ME3: variants seen among roughly 807,000 people sequenced by gnomAD.
The protein encoded by ME3 is malic enzyme 3.
In ME3, 48 loss-of-function variants were observed where a neutral mutation model predicts 68.9. The observed-to-expected ratio is 0.70, with a 90% CI of 0.55 to 0.89. ME3 has a LOEUF of 0.89. ME3 is among the 40% of genes least tolerant of loss of function. The probability of loss-of-function intolerance (pLI) is 0.00; values close to 1 mark genes in which losing one functional copy is unlikely to be tolerated. For missense variants in ME3, 675 were observed against 797.4 expected (o/e 0.85, Z 1.85); for synonymous variants, 320 against 318.8 (o/e 1.00, Z -0.04).
chr11:86,630,806 G>C (rs1390727721), intron 2 of ME3, among the ~76,000 whole-genome samples: 1 of 152,250 alleles, frequency 6.6e-6, no homozygotes, highest in African/African-American at 2.4e-5. Flanking sequence ...CAAGGGCTGA[G>C]GCCAGTGCCT....
chr11:86,501,975 C>T (rs759331010), intron 5 of ME3, among the ~76,000 whole-genome samples: 2 of 152,096 alleles, frequency 1.3e-5, no homozygotes, highest in East Asian at 1.9e-4. Context: ...CTTTCTTGCC[C>T]CCAAATCTCT....
chr11:86,442,468 C>T (rs994250571), intron 14 of ME3, among the ~76,000 whole-genome samples: 1 of 152,168 alleles, frequency 6.6e-6, no homozygotes, highest in Non-Finnish European at 1.5e-5. Flanking sequence ...AGCTGGGACC[C>T]CAAAGCCTGA....
intron 2 of ME3, among the ~76,000 whole-genome samples, chr11:86,617,491 A>C (rs905746131): frequency 1.3e-5 from 2 of 152,148 alleles, no homozygotes; most frequent in Non-Finnish European, 2.9e-5. Context: ...TAGTTATTTT[A>C]GGTCATTTCC....
At chr11:86,480,111 G>A (rs1483020412) in intron 7 of ME3, among the ~76,000 whole-genome samples, 4 of 152,204 alleles carry the variant, frequency 2.6e-5, no homozygotes, top group Non-Finnish European at 5.9e-5. Context: ...GAGCCACCGC[G>A]CCTGGCCTAG....
At chr11:86,441,827 A>AT (rs142097721) in intron 14 of ME3, among the ~76,000 whole-genome samples, 11,153 of 152,004 alleles carry the variant, frequency 0.073, 541 homozygotes, top group East Asian at 0.26. Context: ...CCAGAACCTG[A>AT]TTTTTTTTCC....
chr11:86,596,661 A>T (rs1159947929), intron 2 of ME3, among the ~76,000 whole-genome samples: 1 of 152,218 alleles, frequency 6.6e-6, no homozygotes, highest in South Asian at 2.1e-4. Flanking sequence ...GACCTTAAGG[A>T]TCACCTAGGC....
chr11:86,438,891 A>C (rs993079211), downstream of ME3, among the ~76,000 whole-genome samples: 1 of 152,174 alleles, frequency 6.6e-6, no homozygotes, highest in Non-Finnish European at 1.5e-5. Flanking sequence ...GGCTTGGCTC[A>C]CATGATTATG....
chr11:86,656,446 T>C (rs1011077248), intron 2 of ME3, among the ~76,000 whole-genome samples: 1 of 152,046 alleles, frequency 6.6e-6, no homozygotes, highest in Non-Finnish European at 1.5e-5. Flanking sequence ...ATGTCCTTTA[T>C]AGGGACATAG....
chr11:86,503,606 A>G (rs1952864932), intron 5 of ME3, among the ~76,000 whole-genome samples: 1 of 152,182 alleles, frequency 6.6e-6, no homozygotes, highest in African/African-American at 2.4e-5. Flanking sequence ...AGCACTCCCT[A>G]ATACGTCTCT....
chr11:86,441,029 A>G, downstream of ME3: 1 of 309,788 alleles, frequency 3.2e-6, no homozygotes, highest in East Asian at 5.3e-5. Context: ...AGGCCTGGCC[A>G]GTAGTTGGTG....
intron 2 of ME3, among the ~76,000 whole-genome samples, chr11:86,579,445 G>C (rs1349062361): frequency 5.3e-5 from 8 of 152,142 alleles, no homozygotes; most frequent in African/African-American, 1.9e-4. Context: ...TTCTCTCTCT[G>C]TTCTCAGTGT....
Position 86,611,420 on chromosome 11 carries a change from G to C in ME3, c.184-51597C>G, listed in dbSNP as rs969750991. ...ATTGTATACTTGAAATTTTCTAAGA[G>C]AGTAGATCTTAAGTGTTCTCAACAC... is the stretch of plus-strand genomic sequence containing the variant. On this transcript the variant is annotated intron_variant, in intron 2 of 14. Coordinates refer to ENST00000543262, the Ensembl canonical transcript of ME3. Among the ~76,000 whole-genome samples the C allele has an allele frequency of 6.6e-5, 10 of 152,010 alleles. No homozygotes were observed. In the East Asian group the frequency reaches 9.6e-4, roughly 15 times the overall value.
intron 2 of ME3, among the ~76,000 whole-genome samples, chr11:86,583,028 C>T (rs1020177799): frequency 1.3e-5 from 2 of 151,968 alleles, no homozygotes; most frequent in Admixed American, 6.6e-5. Context: ...AACAAATTTC[C>T]GAAGCATTTT....
intron 2 of ME3, among the ~76,000 whole-genome samples, chr11:86,585,699 T>C (rs1360868947): frequency 1.3e-5 from 2 of 152,022 alleles, no homozygotes; most frequent in Non-Finnish European, 2.9e-5. Context: ...AAGTTGAAAA[T>C]GATGAGCAAA....
intron 2 of ME3, among the ~76,000 whole-genome samples, chr11:86,630,640 G>T (rs1943954736): frequency 6.6e-6 from 1 of 152,234 alleles, no homozygotes; most frequent in South Asian, 2.1e-4. Context: ...GGATGAAGCA[G>T]ATTTGATCAA....
chr11:86,497,155 T>C (rs1414092933), intron 6 of ME3, among the ~76,000 whole-genome samples: 1 of 152,114 alleles, frequency 6.6e-6, no homozygotes, highest in Non-Finnish European at 1.5e-5. Context: ...AGCTCATTTT[T>C]GTATTTTTAG....
chr11:86,490,570 A>T (rs1951939513), intron 6 of ME3, among the ~76,000 whole-genome samples: 1 of 152,242 alleles, frequency 6.6e-6, no homozygotes, highest in South Asian at 2.1e-4. Context: ...AAGACTTTGC[A>T]GTCACCTGGA....
At chr11:86,503,611 G>A (rs766998670) in intron 5 of ME3, among the ~76,000 whole-genome samples, 4 of 152,182 alleles carry the variant, frequency 2.6e-5, no homozygotes, top group Admixed American at 6.5e-5. Flanking sequence ...TCCCTAATAC[G>A]TCTCTGAGAC....
chr11:86,572,550 G>A (rs1026338383), intron 2 of ME3, among the ~76,000 whole-genome samples: 2 of 152,148 alleles, frequency 1.3e-5, no homozygotes, highest in Non-Finnish European at 2.9e-5. Context: ...TGCTGTTCCT[G>A]TGTTAGTTTG....
Sources: gnomAD v4.1 joint callset for allele counts (sites outside exome capture counted in the v4.1 genomes callset) on GRCh38, gnomAD v4.1.1 for gene constraint, MANE v1.5 for transcripts, NCBI Gene and HGNC (gene_info 2026-07-23, HGNC 2026-07-21) for gene names.